Variants in PNPLA7 observed in about 807,000 individuals in gnomAD.
The protein encoded by PNPLA7 is patatin-like phospholipase domain-containing protein 7.
PNPLA7 carries 153 observed loss-of-function variants against 161.7 expected under a neutral mutation model. The observed-to-expected ratio is 0.95, with a 90% CI of 0.83 to 1.08. PNPLA7 has a LOEUF of 1.08. PNPLA7 is among the 50% of genes least tolerant of loss of function. The pLI, the probability that PNPLA7 is intolerant of heterozygous loss-of-function variation, is 0.00. For synonymous variants in PNPLA7, 809 were observed against 782.1 expected (o/e 1.03, Z -0.57); for missense variants, 1,739 against 1,856.6 (o/e 0.94, Z 1.16).
intron 12 of PNPLA7, among the ~76,000 whole-genome samples, chr9:137,506,921 A>G (rs1833954279): frequency 1.3e-5 from 2 of 152,148 alleles, no homozygotes; most frequent in Non-Finnish European, 2.9e-5. Context: ...CGCAACACCC[A>G]TTTCTCAGCG....
chr9:137,535,377 G>C (rs1213725415), intron 8 of PNPLA7, among the ~76,000 whole-genome samples: 2 of 152,204 alleles, frequency 1.3e-5, no homozygotes, highest in Non-Finnish European at 2.9e-5. Context: ...GGGAGCAAAA[G>C]AAAACCCATC....
chr9:137,526,467 C>T lies in PNPLA7; in HGVS notation c.748-3610G>A, dbSNP rs547452524. Among the ~76,000 whole-genome samples the T allele has an allele frequency of 8.5e-5, 13 of 152,256 alleles. No homozygotes were observed. In the South Asian group the frequency reaches 1.7e-3, roughly 19 times the overall value. ...TAATGTTTTGTATTTTTAGTAGAGACGGGGTTTCACCGTGTTAGCCAGGAT... is the reference window on the plus strand; with the variant it reads ...TAATGTTTTGTATTTTTAGTAGAGATGGGGTTTCACCGTGTTAGCCAGGAT... On this transcript the variant is annotated intron_variant, in intron 8 of 34. Coordinates refer to ENST00000406427, the MANE Select transcript of PNPLA7 (RefSeq NM_001098537.3).
At chr9:137,536,491 G>A (rs1024377165) in intron 8 of PNPLA7, among the ~76,000 whole-genome samples, 3 of 152,196 alleles carry the variant, frequency 2.0e-5, no homozygotes, top group African/African-American at 7.2e-5. Context: ...TCTGTAATGG[G>A]TGCATATAAA....
intron 17 of PNPLA7, among the ~76,000 whole-genome samples, chr9:137,497,615 C>T (rs1564313114): frequency 6.6e-6 from 1 of 152,250 alleles, no homozygotes; most frequent in Non-Finnish European, 1.5e-5. Context: ...GCAACCTCCA[C>T]CTCCCAGGTT....
intron 10 of PNPLA7, 48 bp downstream of exon 10, chr9:137,521,588 C>T (rs371813360): frequency 6.3e-6 from 10 of 1,583,524 alleles, no homozygotes; most frequent in East Asian, 2.3e-5. Flanking sequence ...TGTCCCGATG[C>T]CAGCTGCATG....
intron 25 of PNPLA7, among the ~76,000 whole-genome samples, chr9:137,472,366 C>T (rs1365852262): frequency 6.6e-6 from 1 of 151,864 alleles, no homozygotes; most frequent in Non-Finnish European, 1.5e-5. Context: ...CAGCCTAAAC[C>T]TCATTTTCTT....
chr9:137,478,739 AG>A (rs750869405), intron 24 of PNPLA7: 519 of 277,156 alleles, frequency 1.9e-3, no homozygotes, highest in Non-Finnish European at 2.8e-3. Context: ...GGGTTCACTG[AG>A]CCCCCCTGAC....
chr9:137,548,257 G>T (rs1381341541), intron 1 of PNPLA7, among the ~76,000 whole-genome samples: 1 of 152,124 alleles, frequency 6.6e-6, no homozygotes, highest in Non-Finnish European at 1.5e-5. Flanking sequence ...AAAACGAGAA[G>T]ACGAGAAGAC....
chr9:137,523,986 G>A lies in PNPLA7; in HGVS notation c.748-1129C>T, dbSNP rs1193105364. ...GAGAAAAGCCTTCTGTTTACATCAC[G>A]CCGTCACCTGCATGCAGAGGCAGAT... On this transcript the variant is annotated intron_variant, in intron 8 of 34. Coordinates refer to ENST00000406427, the MANE Select transcript of PNPLA7 (RefSeq NM_001098537.3). This position sits in a 1 kb window ranked among gnomAD's most constrained non-coding sequence, Gnocchi z 4.4. Among the ~76,000 whole-genome samples the A allele has an allele frequency of 6.6e-6, 1 of 152,102 alleles. No individual in the cohort carries two copies. The highest frequency in any genetic ancestry group is 1.9e-4 in the East Asian group (1 of 5,190).
At chr9:137,498,512 G>A (rs968841028) in intron 16 of PNPLA7, among the ~76,000 whole-genome samples, 2 of 152,242 alleles carry the variant, frequency 1.3e-5, no homozygotes, top group South Asian at 2.1e-4. Flanking sequence ...CCTTGGACAC[G>A]GGCCCTGTGT....
intron 10 of PNPLA7, among the ~76,000 whole-genome samples, chr9:137,521,381 A>G (rs936114946): frequency 1.3e-5 from 2 of 152,218 alleles, no homozygotes; most frequent in Admixed American, 6.5e-5. Flanking sequence ...CCCAAGTCCA[A>G]CGGATCAGAG....
chr9:137,480,882 A>C (rs2132146662), intron 22 of PNPLA7, 78 bp downstream of exon 22: 1 of 1,419,838 alleles, frequency 7.0e-7, no homozygotes, highest in South Asian at 1.2e-5. Flanking sequence ...CAGATGCTGG[A>C]TGTGGACACA....
Position 137,542,779 on chromosome 9 carries a change from G to A in PNPLA7, c.529C>T (p.Pro177Ser). 1 of 1,613,528 alleles carries A rather than the reference G, an allele frequency of 6.2e-7. No individual in the cohort carries two copies. The highest frequency in any genetic ancestry group is 8.5e-7 in the Non-Finnish European group (1 of 1,179,828). The change falls in exon 7 of 35, where the codon CCG becomes TCG. Residue 177 changes from proline (P) to serine (S), a missense_variant. Transcript: ENST00000406427. The part of the protein sequence containing the change: ...NVRVLGHFEK[P>S]LFLELCKHIV... ...TGTTTGCAAAGCTCCAGGAACAGCGGCTTCTCAAAGTGGCCCAGGACCCTG... is the reference window on the plus strand; with the variant it reads ...TGTTTGCAAAGCTCCAGGAACAGCGACTTCTCAAAGTGGCCCAGGACCCTG...
At chr9:137,487,157 C>A (rs943657175) in intron 20 of PNPLA7, among the ~76,000 whole-genome samples, 12 of 152,266 alleles carry the variant, frequency 7.9e-5, no homozygotes, top group Non-Finnish European at 1.5e-4. Flanking sequence ...TGGACGGTTG[C>A]GTGCTGCGCA....
chr9:137,468,999 G>A lies in PNPLA7; in HGVS notation c.2883-1526C>T, dbSNP rs958919268. Among the ~76,000 whole-genome samples the A allele has an allele frequency of 6.6e-6, 1 of 151,294 alleles. No homozygotes were observed. Among genetic ancestry groups the A allele is most frequent in the Non-Finnish European group, 1.5e-5 (1 of 67,824 alleles). On this transcript the variant is annotated intron_variant, in intron 25 of 34. Transcript: ENST00000406427. This position sits in a 1 kb window ranked among gnomAD's most constrained non-coding sequence, Gnocchi z 4.0. ...GTGGAGGTTGCAGTGAGCCAAGATC[G>A]CACCATTGCACTCCAGCCTGGGCAA...
chr9:137,505,474 C>G, intron 14 of PNPLA7, 140 bp downstream of exon 14: 1 of 994,990 alleles, frequency 1.0e-6, no homozygotes, highest in Non-Finnish European at 1.4e-6. Flanking sequence ...CCCCAAAAGA[C>G]AAGCAAGCCT....
At chr9:137,536,302 G>A (rs1180338666) in intron 8 of PNPLA7, among the ~76,000 whole-genome samples, 1 of 152,062 alleles carries the variant, frequency 6.6e-6, no homozygotes, top group East Asian at 1.9e-4. Context: ...ACCAAAACAC[G>A]CCGGCCGAGA....
intron 23 of PNPLA7, among the ~76,000 whole-genome samples, chr9:137,480,064 T>C (rs761067404): frequency 6.6e-6 from 1 of 152,226 alleles, no homozygotes; most frequent in Non-Finnish European, 1.5e-5. Context: ...GCTGTAAAAG[T>C]GCGAAAGGCG....
In PNPLA7 at chr9:137,543,634, G is replaced by A; in HGVS notation, c.366-62C>T. ...GGCGGGTTCGAAACCCACAGCATCA[G>A]TGGCTGACACACCAGGCAGCTCAGG... On this transcript the variant is annotated intron_variant, in intron 5 of 34. Transcript: ENST00000406427. This position sits in a 1 kb window ranked among gnomAD's most constrained non-coding sequence, Gnocchi z 6.9. 1 of 1,608,664 alleles carries A rather than the reference G, an allele frequency of 6.2e-7. No individual in the cohort carries two copies. Among genetic ancestry groups the A allele is most frequent in the Non-Finnish European group, 8.5e-7 (1 of 1,176,724 alleles).
Sources: allele counts gnomAD v4.1 joint callset (sites outside exome capture counted in the v4.1 genomes callset), GRCh38; gene constraint gnomAD v4.1.1; non-coding constraint Gnocchi (gnomAD v3.1); transcripts MANE v1.5; gene names NCBI Gene and HGNC (gene_info 2026-07-23, HGNC 2026-07-21).